Variants in BRI3BP observed in about 807,000 individuals in gnomAD.
The protein encoded by BRI3BP is BRI3-binding protein.
BRI3BP carries 7 observed loss-of-function variants against 15.8 expected under a neutral mutation model. That is an observed-to-expected ratio of 0.44 (90% CI 0.25 to 0.83). BRI3BP has a LOEUF of 0.83. Ranked by LOEUF, BRI3BP falls within the 40% of genes least tolerant of loss-of-function variation. The pLI is 0.20. For missense variants in BRI3BP, 320 were observed against 339.3 expected (o/e 0.94, Z 0.45); for synonymous variants, 192 against 163.5 (o/e 1.17, Z -1.33).
rs754701125 is a variant in BRI3BP at position 125,025,309 on chromosome 12, C to G, written c.635C>G (p.Pro212Arg). 6.2e-7 allele frequency: 1 copy of G among 1,611,896 alleles called. No homozygotes were observed. Among genetic ancestry groups the G allele is most frequent in the Non-Finnish European group, 8.5e-7 (1 of 1,179,396 alleles). Residue 212 changes from proline to arginine, a missense_variant, in exon 3 of 3, where the codon CCC becomes CGC. Coordinates refer to ENST00000341446, the MANE Select transcript of BRI3BP (RefSeq NM_080626.6). ...GFYWRSSPSG[P>R]SNPSNPSVEE... ...TACTGGCGAAGCAGTCCCAGCGGCC[C>G]CAGCAACCCCAGCAACCCCAGCGTG... is the stretch of plus-strand genomic sequence containing the variant.
chr12:125,023,882 C>T (rs1594538300), intron 2 of BRI3BP, among the ~76,000 whole-genome samples: 1 of 152,040 alleles, frequency 6.6e-6, no homozygotes, highest in Non-Finnish European at 1.5e-5. Flanking sequence ...ACCAGCCTGG[C>T]CAACATGGTG....
At chr12:125,037,811 C>CA in the BRI3BP span, among the ~76,000 whole-genome samples, 3,094 of 79,908 alleles carry the variant, frequency 0.039, 78 homozygotes, top group African/African-American at 0.11. Flanking sequence ...GACTCTGTCT[C>CA]AAAAAAAAAA....
intron 1 of BRI3BP, among the ~76,000 whole-genome samples, chr12:125,002,782 A>G (rs149535929): frequency 2.6e-5 from 4 of 151,778 alleles, no homozygotes; most frequent in Non-Finnish European, 5.9e-5. Flanking sequence ...AATGTCCCAC[A>G]GTGTGTATTG....
chr12:125,033,362 A>G (rs950895869), downstream of BRI3BP, among the ~76,000 whole-genome samples: 2 of 152,124 alleles, frequency 1.3e-5, no homozygotes, highest in Non-Finnish European at 2.9e-5. Context: ...CCTGCACTCC[A>G]ACCTGGGCGA....
the BRI3BP span, among the ~76,000 whole-genome samples, chr12:125,043,700 T>C: frequency 6.6e-6 from 1 of 151,900 alleles, no homozygotes; most frequent in East Asian, 1.9e-4. Context: ...CTACTAAAAA[T>C]ACAAAAATTA....
In BRI3BP at chr12:125,025,292, A is replaced by G; in HGVS notation, c.618A>G (p.Arg206=). The G allele has an allele frequency of 6.2e-7, 1 of 1,613,794 alleles. No homozygotes were observed. Among genetic ancestry groups the G allele is most frequent in the East Asian group, 2.2e-5 (1 of 44,884 alleles). ...CCGGGCCCATGGGCTTCTACTGGCG[A>G]AGCAGTCCCAGCGGCCCCAGCAACC... is the stretch of plus-strand genomic sequence containing the variant. ...FMTGPMGFYW[R]SSPSGPSNPS... is the part of the protein sequence containing the mutation. Residue 206 remains arginine (R), a synonymous_variant, in exon 3 of 3, where the codon CGA becomes CGG. Transcript: ENST00000341446.
At chr12:125,018,024 GT>G (rs1955262285) in intron 2 of BRI3BP, among the ~76,000 whole-genome samples, 1 of 152,056 alleles carries the variant, frequency 6.6e-6, no homozygotes, top group Non-Finnish European at 1.5e-5. Context: ...CCAGCCCATG[GT>G]CGGTATTCAG....
chr12:125,020,845 A>C (rs891957740), intron 2 of BRI3BP, among the ~76,000 whole-genome samples: 3 of 152,124 alleles, frequency 2.0e-5, no homozygotes, highest in African/African-American at 7.2e-5. Flanking sequence ...ATGCTACTGA[A>C]GTCTAGCCTG....
Position 125,014,671 on chromosome 12 carries a change from C to T in BRI3BP, c.316+2035C>T, listed in dbSNP as rs372006812. Among the ~76,000 whole-genome samples the T allele has an allele frequency of 2.4e-3, 373 of 152,322 alleles. 25 individuals carry two copies. In the South Asian group the frequency reaches 0.073, roughly 30 times the overall value. The stretch of plus-strand genomic sequence containing the variant: ...CAAAATTCTAGACTCCCAGAGGGAA[C>T]GCAGGTGTTGTCATAAACCACATCA... On this transcript the variant is annotated intron_variant, in intron 2 of 2. Coordinates refer to ENST00000341446, the MANE Select transcript of BRI3BP (RefSeq NM_080626.6).
chr12:125,045,153 A>T, the BRI3BP span, among the ~76,000 whole-genome samples: 1 of 152,296 alleles, frequency 6.6e-6, no homozygotes, highest in African/African-American at 2.4e-5. Context: ...CAGCCTATGA[A>T]ATTGAAAATT....
intron 1 of BRI3BP, among the ~76,000 whole-genome samples, chr12:125,001,728 CTT>C (rs11431169): frequency 6.8e-6 from 1 of 147,872 alleles, no homozygotes. Flanking sequence ...GACTAAATGT[CTT>C]TTTTTTTTTT....
chr12:124,997,214 C>CTCTTTTTTTTTTTTTTTTTTTTTTTTTT (rs1335395514), intron 1 of BRI3BP, among the ~76,000 whole-genome samples: 1 of 51,550 alleles, frequency 1.9e-5, no homozygotes. Context: ...CTTTACTTCT[C>CTCTTTTTTTTTTTTTTTTTTTTTTTTTT]TTTTTTTTTT....
At chr12:125,046,959 C>T in the BRI3BP span, among the ~76,000 whole-genome samples, 6 of 152,162 alleles carry the variant, frequency 3.9e-5, no homozygotes, top group Non-Finnish European at 8.8e-5. Context: ...AAACTTTAAA[C>T]ACAGCCTCTG....
At chr12:125,014,532 T>A (rs1014657842) in intron 2 of BRI3BP, among the ~76,000 whole-genome samples, 5 of 152,244 alleles carry the variant, frequency 3.3e-5, no homozygotes, top group Non-Finnish European at 5.9e-5. Flanking sequence ...TCTCTCCCTG[T>A]GGAGTCATAC....
chr12:124,995,126 A>G (rs1329938953), intron 1 of BRI3BP, among the ~76,000 whole-genome samples: 1 of 152,192 alleles, frequency 6.6e-6, no homozygotes, highest in Non-Finnish European at 1.5e-5. Context: ...GATAACATGA[A>G]AGGTTAATTT....
chr12:125,021,372 A>G (rs942809459), intron 2 of BRI3BP, among the ~76,000 whole-genome samples: 1 of 152,104 alleles, frequency 6.6e-6, no homozygotes, highest in African/African-American at 2.4e-5. Flanking sequence ...CCTGCTCTGG[A>G]TTTGCGCTTG....
intron 1 of BRI3BP, among the ~76,000 whole-genome samples, chr12:125,003,353 T>C (rs10773132): frequency 0.8 from 121,543 of 152,092 alleles, 49,554 homozygotes; most frequent in East Asian, 1. Context: ...TTCCCTCCCA[T>C]GGAGGCGATG....
At chr12:125,024,097 TAA>T (rs1319984112) in intron 2 of BRI3BP, among the ~76,000 whole-genome samples, 1 of 152,050 alleles carries the variant, frequency 6.6e-6, no homozygotes, top group East Asian at 1.9e-4. Context: ...AATGCATAAA[TAA>T]AAGAGGTTTA....
At chr12:125,043,811 G>T in the BRI3BP span, among the ~76,000 whole-genome samples, 1 of 152,046 alleles carries the variant, frequency 6.6e-6, no homozygotes, top group African/African-American at 2.4e-5. Flanking sequence ...AGCCAAGATC[G>T]CAACACTGCA....
Sources: gnomAD v4.1 joint callset for allele counts (sites outside exome capture counted in the v4.1 genomes callset) on GRCh38, gnomAD v4.1.1 for gene constraint, MANE v1.5 for transcripts, NCBI Gene and HGNC (gene_info 2026-07-23, HGNC 2026-07-21) for gene names.